Variants in PAK1 observed in about 807,000 individuals in gnomAD.
The protein encoded by PAK1 is p21 (RAC1) activated kinase 1, also known as serine/threonine-protein kinase PAK 1.
In PAK1, 29 loss-of-function variants were observed where a neutral mutation model predicts 67.4. The observed-to-expected ratio is 0.43, with a 90% CI of 0.32 to 0.59. The LOEUF is 0.59. PAK1 is among the 20% of genes least tolerant of loss of function. The pLI is 0.07. For missense variants in PAK1, 337 were observed against 670.7 expected, an observed-to-expected ratio of 0.50 and a Z score of 5.50; for synonymous variants, 223 against 237.4, an observed-to-expected ratio of 0.94 and a Z score of 0.56.
At chr11:77,515,279 T>C in the PAK1 span, among the ~76,000 whole-genome samples, 2 of 152,216 alleles carry the variant, frequency 1.3e-5, no homozygotes, top group Non-Finnish European at 2.9e-5. Context: ...CCTTTATGCC[T>C]CATTTTTCTC....
the PAK1 span, among the ~76,000 whole-genome samples, chr11:77,517,583 T>C: frequency 6.6e-6 from 1 of 152,176 alleles, no homozygotes; most frequent in Non-Finnish European, 1.5e-5. Flanking sequence ...TGGAAGACGA[T>C]GTTTCCACAG....
intron 9 of PAK1, among the ~76,000 whole-genome samples, chr11:77,347,639 T>G (rs1000325893): frequency 6.6e-6 from 1 of 152,208 alleles, no homozygotes; most frequent in African/African-American, 2.4e-5. Flanking sequence ...GGCTTTTATA[T>G]GTACACAAAG....
At chr11:77,429,634 A>G (rs1368877131) in intron 1 of PAK1, among the ~76,000 whole-genome samples, 2 of 152,228 alleles carry the variant, frequency 1.3e-5, no homozygotes, top group Non-Finnish European at 2.9e-5. Context: ...TTTATCTGAT[A>G]TTCTACAAAA....
chr11:77,374,471 A>C, intron 4 of PAK1, 106 bp from the exon 5 acceptor site: 1 of 728,354 alleles, frequency 1.4e-6, no homozygotes, highest in Non-Finnish European at 2.5e-6. Flanking sequence ...GATTCAGAGA[A>C]TAGTAATAGT....
intron 1 of PAK1, among the ~76,000 whole-genome samples, chr11:77,426,450 C>T (rs1955549514): frequency 6.6e-6 from 1 of 152,090 alleles, no homozygotes; most frequent in African/African-American, 2.4e-5. Context: ...TAAAAATTGG[C>T]TTTATTACCC....
chr11:77,499,215 T>C, the PAK1 span, among the ~76,000 whole-genome samples: 7 of 151,574 alleles, frequency 4.6e-5, no homozygotes, highest in African/African-American at 1.7e-4. Context: ...CTACCAGGAA[T>C]ATCTATTGTT....
chr11:77,425,938 A>G (rs1210171385), intron 1 of PAK1, among the ~76,000 whole-genome samples: 1 of 152,072 alleles, frequency 6.6e-6, no homozygotes, highest in African/African-American at 2.4e-5. Flanking sequence ...AGCCTGGGTG[A>G]CAGAGCAAGA....
Position 77,355,801 on chromosome 11 carries a change from T to A in PAK1, c.639A>T (p.Pro213=). The A allele has an allele frequency of 1.9e-6, 3 of 1,613,750 alleles. No individual in the cohort carries two copies. The highest frequency in any genetic ancestry group is 2.5e-6 in the Non-Finnish European group (3 of 1,179,760). Residue 213 remains proline, a synonymous_variant, in exon 7 of 15, where the codon CCA becomes CCT. Transcript: ENST00000356341. The part of the protein sequence containing the change: ...RSVIEPLPVT[P]TRDVATSPIS... Reference sequence around the variant, plus strand: ...TGGGAGATGTAGCCACGTCCCGAGTTGGAGTGACAGGAAGTGGTTCAATCA... The same window carrying A: ...TGGGAGATGTAGCCACGTCCCGAGTAGGAGTGACAGGAAGTGGTTCAATCA...
At chr11:77,511,648 G>A in the PAK1 span, among the ~76,000 whole-genome samples, 5 of 152,120 alleles carry the variant, frequency 3.3e-5, no homozygotes, top group Non-Finnish European at 5.9e-5. Flanking sequence ...TAAAAACTGG[G>A]TCAGTCACAG....
At chr11:77,369,075 C>T (rs1948029768) in intron 5 of PAK1, among the ~76,000 whole-genome samples, 1 of 152,210 alleles carries the variant, frequency 6.6e-6, no homozygotes, top group Non-Finnish European at 1.5e-5. Flanking sequence ...CCTCATCCCT[C>T]TGAAGATACT....
intron 2 of PAK1, among the ~76,000 whole-genome samples, chr11:77,384,361 CTG>C (rs1950199077): frequency 6.6e-6 from 1 of 152,090 alleles, no homozygotes; most frequent in African/African-American, 2.4e-5. Context: ...TATAGTATCC[CTG>C]GGACTACTGC....
At chr11:77,425,284 T>A (rs1314676743) in intron 1 of PAK1, among the ~76,000 whole-genome samples, 1 of 151,702 alleles carries the variant, frequency 6.6e-6, no homozygotes, top group East Asian at 1.9e-4. Flanking sequence ...TTTTTTTTTT[T>A]AATATAAAAT....
intron 1 of PAK1, among the ~76,000 whole-genome samples, chr11:77,429,093 A>AAAAAAAC (rs1565696611): frequency 9.4e-6 from 1 of 106,396 alleles, no homozygotes; most frequent in Non-Finnish European, 1.7e-5. Flanking sequence ...AAAAAAAAAA[A>AAAAAAAC]ACACACACAC....
At chr11:77,360,539 C>T (rs1031483778) in intron 5 of PAK1, among the ~76,000 whole-genome samples, 1 of 152,206 alleles carries the variant, frequency 6.6e-6, no homozygotes, top group African/African-American at 2.4e-5. Context: ...ATACAGTTGA[C>T]TCAGCAAGGC....
chr11:77,525,488 C>T, the PAK1 span, among the ~76,000 whole-genome samples: 2 of 152,156 alleles, frequency 1.3e-5, no homozygotes, highest in South Asian at 4.1e-4. Context: ...GAACTACATG[C>T]AGCCAGGGAG....
At chr11:77,505,604 A>G in the PAK1 span, among the ~76,000 whole-genome samples, 5 of 151,992 alleles carry the variant, frequency 3.3e-5, no homozygotes, top group Non-Finnish European at 7.4e-5. Flanking sequence ...CCACCATTCT[A>G]CTTTTTGCCT....
intron 1 of PAK1, among the ~76,000 whole-genome samples, chr11:77,467,582 CT>C (rs1451462332): frequency 6.6e-6 from 1 of 152,122 alleles, no homozygotes; most frequent in Non-Finnish European, 1.5e-5. Flanking sequence ...TCAGAATCAC[CT>C]ATAAACCTTT....
intron 1 of PAK1, among the ~76,000 whole-genome samples, chr11:77,466,030 T>C (rs1450035691): frequency 6.6e-6 from 1 of 152,152 alleles, no homozygotes; most frequent in Non-Finnish European, 1.5e-5. Flanking sequence ...CTATACCAAG[T>C]CCCTCTTTAC....
intron 13 of PAK1, among the ~76,000 whole-genome samples, chr11:77,333,274 T>G (rs1156763804): frequency 6.7e-6 from 1 of 149,314 alleles, no homozygotes; most frequent in Non-Finnish European, 1.5e-5. Flanking sequence ...CTTGGCTCAC[T>G]GCAACCTCCA....
Sources: allele counts gnomAD v4.1 joint callset (sites outside exome capture counted in the v4.1 genomes callset), GRCh38; gene constraint gnomAD v4.1.1; transcripts MANE v1.5; gene names NCBI Gene and HGNC (gene_info 2026-07-23, HGNC 2026-07-21).